PCDHA1: variants seen among roughly 807,000 people sequenced by gnomAD.
PCDHA1 encodes the protein protocadherin alpha-1.
Under a neutral mutation model 61.3 loss-of-function variants are expected in PCDHA1, and 42 were observed. That is an observed-to-expected ratio of 0.69 (90% confidence interval 0.54 to 0.89). The LOEUF (loss-of-function observed/expected upper bound fraction) is 0.89, where lower values mean the gene tolerates loss of function less well. PCDHA1 is among the 40% of genes least tolerant of loss of function. PCDHA1 has a pLI of 0.00. For missense variants in PCDHA1, 1,256 were observed against 1,235.3 expected, an observed-to-expected ratio of 1.02 and a Z score of -0.25; for synonymous variants, 610 against 553.8, an observed-to-expected ratio of 1.10 and a Z score of -1.43.
intron 1 of PCDHA1, chr5:140,866,098 T>C (rs555628749): frequency 6.6e-6 from 1 of 152,318 alleles, no homozygotes; most frequent in African/African-American, 2.4e-5. Context: ...AATTGTTAAG[T>C]AATTAAGAGT....
chr5:141,011,752 C>T lies in PCDHA1; in HGVS notation c.*1815C>T, dbSNP rs1051150394. On this transcript the variant is annotated 3_prime_UTR_variant, in exon 4 of 4. Transcript: ENST00000504120. ...CAAGCACAAATTTTACCAATCTGAC[C>T]TCTTTGAAGTTGCAGAATGCTTTGA... The T allele has an allele frequency of 6.5e-6, 1 of 153,662 alleles. No homozygotes were observed. The highest frequency in any genetic ancestry group is 6.5e-5 in the Admixed American group (1 of 15,272). The allele number at this position is 153,662 out of a possible 1,614,324, so 9.5% of individuals were successfully genotyped here. A position where few individuals can be genotyped will look rare whatever the true frequency, so the allele number is the denominator to read the frequency against.
At chr5:140,917,892 T>C (rs1382149175) in intron 1 of PCDHA1, among the ~76,000 whole-genome samples, 2 of 152,104 alleles carry the variant, frequency 1.3e-5, no homozygotes, top group African/African-American at 4.8e-5. Flanking sequence ...TTTTTCCATA[T>C]GAATGTTAGG....
At chr5:141,000,238 G>T (rs111531743) in intron 3 of PCDHA1, among the ~76,000 whole-genome samples, 3 of 151,558 alleles carry the variant, frequency 2.0e-5, no homozygotes, top group African/African-American at 7.3e-5. Flanking sequence ...GCTGAATGTG[G>T]TGGCTGACAC....
At chr5:140,927,174 C>G (rs782406584) in intron 1 of PCDHA1, 2 of 1,614,186 alleles carry the variant, frequency 1.2e-6, no homozygotes, top group Non-Finnish European at 8.5e-7. Context: ...CTGCCTGCGT[C>G]TTGACCTACG....
intron 3 of PCDHA1, among the ~76,000 whole-genome samples, chr5:140,997,018 A>G (rs1403831704): frequency 6.6e-6 from 1 of 151,882 alleles, no homozygotes; most frequent in African/African-American, 2.4e-5. Flanking sequence ...ATCCTCCAAT[A>G]TTTTTTTGAA....
intron 1 of PCDHA1, among the ~76,000 whole-genome samples, chr5:140,948,646 G>T (rs1030231985): frequency 6.6e-6 from 1 of 151,616 alleles, no homozygotes; most frequent in South Asian, 2.1e-4. Context: ...ATCTTTTAAC[G>T]TCTGTATAAT....
rs2150239887 is a variant in PCDHA1 at position 140,835,629 on chromosome 5, G to A, written c.2394+46945G>A. On this transcript the variant is annotated intron_variant, in intron 1 of 3. Coordinates refer to ENST00000504120, the MANE Select transcript of PCDHA1 (RefSeq NM_018900.4). ...GGTGCTGGACAGCGCTCTGGACCGC[G>A]AGAGTGTGTCCGCCTATGAGCTGGT... 7.4e-6 allele frequency: 12 copies of A among 1,613,910 alleles called. 1 individual carries two copies. The East Asian group carries it at 1.3e-4, about 18-fold the overall frequency.
At chr5:140,809,431 G>C (rs782243123) in intron 1 of PCDHA1, 2 of 1,614,226 alleles carry the variant, frequency 1.2e-6, no homozygotes, top group Non-Finnish European at 1.7e-6. Context: ...TGGGGAGCTG[G>C]TCATACTCGC....
chr5:141,002,879 A>G (rs2098100373), intron 3 of PCDHA1, among the ~76,000 whole-genome samples: 1 of 152,228 alleles, frequency 6.6e-6, no homozygotes, highest in Non-Finnish European at 1.5e-5. Flanking sequence ...TCAAGAACAG[A>G]AAGAGAACAA....
intron 1 of PCDHA1, chr5:140,795,181 G>A (rs782211568): frequency 6.2e-7 from 1 of 1,614,110 alleles, no homozygotes; most frequent in South Asian, 1.1e-5. Context: ...AAGACACGGG[G>A]ACCTTCTGGA....
At chr5:140,987,960 C>G (rs2097275437) in intron 3 of PCDHA1, among the ~76,000 whole-genome samples, 1 of 152,120 alleles carries the variant, frequency 6.6e-6, no homozygotes, top group African/African-American at 2.4e-5. Flanking sequence ...AACCAACTCC[C>G]CATGGAAAGA....
rs78042832 is a variant in PCDHA1, at chr5:140,978,370, A to G, written c.2395-579A>G. Among the ~76,000 whole-genome samples, 198 of 152,318 alleles carry G rather than the reference A, an allele frequency of 1.3e-3. 1 individual carries two copies. The East Asian group carries it at 0.027, about 21-fold the overall frequency. On this transcript the variant is annotated intron_variant, in intron 1 of 3. Transcript: ENST00000504120. ...TAGCAAAACAAGGTCAAACTCTGCA[A>G]TAGTTTGTTTTCCTCTCCCTAGTAT...
chr5:140,955,975 A>G (rs2095244010), intron 1 of PCDHA1, among the ~76,000 whole-genome samples: 1 of 152,112 alleles, frequency 6.6e-6, no homozygotes, highest in Admixed American at 6.6e-5. Flanking sequence ...TAGGAATGCT[A>G]GCAATTTTTG....
At chr5:140,817,409 G>A (rs1437672587) in intron 1 of PCDHA1, 1 of 152,240 alleles carries the variant, frequency 6.6e-6, no homozygotes, top group Admixed American at 6.5e-5. Flanking sequence ...TATTGTTGTT[G>A]AGTTGGTATA....
rs1562166889 is a variant in PCDHA1 at position 140,797,310 on chromosome 5, C to T, written c.2394+8626C>T. ...CTAGCTTATCTCAAGGTCCAGACTC[C>T]GCAGAAGAGAAACAGCTCTCAGAAT... On this transcript the variant is annotated intron_variant, in intron 1 of 3. Transcript: ENST00000504120. 3.1e-6 allele frequency: 5 copies of T among 1,614,186 alleles called. No homozygotes were observed. The Admixed American group carries it at 5.0e-5, about 16-fold the overall frequency.
rs183412283 is a variant in PCDHA1 at position 140,968,329 on chromosome 5, T to C, written c.2395-10620T>C. On this transcript the variant is annotated intron_variant, in intron 1 of 3. Transcript: ENST00000504120. ...TTCAAGGGCTGCCAGTCACCTCCTA[T>C]GTCTCCATTAACAGTGCCAGTGGCA... is the stretch of plus-strand genomic sequence containing the variant. 7.7e-5 allele frequency: 125 copies of C among 1,614,150 alleles called. 1 individual carries two copies. In the East Asian group the frequency reaches 2.7e-3, roughly 34 times the overall value.
At chr5:140,997,264 A>G (rs1554255813) in intron 3 of PCDHA1, among the ~76,000 whole-genome samples, 3 of 152,154 alleles carry the variant, frequency 2.0e-5, no homozygotes. Context: ...CACTCTTCCA[A>G]ATATTTCTTG....
chr5:140,961,222 T>C (rs1335870319), intron 1 of PCDHA1, among the ~76,000 whole-genome samples: 1 of 152,118 alleles, frequency 6.6e-6, no homozygotes, highest in East Asian at 1.9e-4. Flanking sequence ...AGAAACTGGG[T>C]CCCAAAAAGG....
intron 1 of PCDHA1, among the ~76,000 whole-genome samples, chr5:140,936,526 C>T (rs183606913): frequency 6.6e-6 from 1 of 152,302 alleles, no homozygotes; most frequent in East Asian, 1.9e-4. Flanking sequence ...CCTGAAATTG[C>T]TTTTGAATAT....
Sources: gnomAD v4.1 joint callset for allele counts (sites outside exome capture counted in the v4.1 genomes callset) on GRCh38, gnomAD v4.1.1 for gene constraint, MANE v1.5 for transcripts, NCBI Gene and HGNC (gene_info 2026-07-23, HGNC 2026-07-21) for gene names.